SLC26A8: variants seen among roughly 807,000 people sequenced by gnomAD.
The protein encoded by SLC26A8 is solute carrier family 26 member 8.
In SLC26A8, 70 loss-of-function variants were observed where a neutral mutation model predicts 105.0. That is an observed-to-expected ratio of 0.67 (90% CI 0.55 to 0.81). The LOEUF (loss-of-function observed/expected upper bound fraction) is 0.81. Among genes scored for constraint, SLC26A8 ranks in the 40% least tolerant of loss-of-function variants. SLC26A8 has a pLI of 0.00. For missense variants in SLC26A8, 998 were observed against 1,181.8 expected (o/e 0.84, Z 2.28); for synonymous variants, 415 against 438.3 (o/e 0.95, Z 0.66).
At chr6:35,963,798 C>A (rs1054577790) in intron 11 of SLC26A8, among the ~76,000 whole-genome samples, 2 of 152,224 alleles carry the variant, frequency 1.3e-5, no homozygotes, top group African/African-American at 4.8e-5. Flanking sequence ...AGAGAACTTA[C>A]ACTCACAGAA....
intron 2 of SLC26A8, among the ~76,000 whole-genome samples, chr6:36,018,141 C>T (rs1396577894): frequency 1.3e-5 from 2 of 152,172 alleles, no homozygotes; most frequent in Non-Finnish European, 2.9e-5. Flanking sequence ...GTTAAATTTA[C>T]CACAGATTTA....
intron 9 of SLC26A8, among the ~76,000 whole-genome samples, 161 bp from the exon 10 acceptor site, chr6:35,975,649 C>T (rs576571095): frequency 1.7e-4 from 26 of 151,772 alleles, no homozygotes; most frequent in East Asian, 1.9e-4. Context: ...TGAGGTGGCT[C>T]ACACCTATAA....
At chr6:36,023,321 G>A (rs1465633835) in intron 1 of SLC26A8, among the ~76,000 whole-genome samples, 1 of 152,058 alleles carries the variant, frequency 6.6e-6, no homozygotes, top group Non-Finnish European at 1.5e-5. Flanking sequence ...GGCCAAGGCG[G>A]TTGGATCAGC....
rs780298822 is a variant in SLC26A8 at position 35,962,663 on chromosome 6, G to A, written c.1366-42C>T. 1.9e-6 allele frequency: 3 copies of A among 1,589,684 alleles called. No homozygotes were observed. The South Asian group carries it at 3.3e-5, about 18-fold the overall frequency. ...AATCATGGTTCATTTTCCCTTTGGG[G>A]TGTAAAACTCACAAATCCCCACCAA... is the stretch of plus-strand genomic sequence containing the variant. On this transcript the variant is annotated intron_variant, in intron 11 of 19. Coordinates refer to ENST00000490799, the MANE Select transcript of SLC26A8 (RefSeq NM_052961.4).
intron 1 of SLC26A8, among the ~76,000 whole-genome samples, chr6:36,022,607 T>A (rs922570928): frequency 6.6e-6 from 1 of 152,102 alleles, no homozygotes; most frequent in African/African-American, 2.4e-5. Context: ...TAGGAGATGT[T>A]ATCAAGTCAT....
In SLC26A8 at chr6:35,991,684, A is replaced by C; in HGVS notation, c.917T>G (p.Ile306Ser). ...CIRISFNQYP[I>S]EFPMELFLII... ...CAGAAATAATTCCATGGGAAACTCAATGGGATACTGATTGAAAGAAATTCT... is the reference window on the plus strand; with the variant it reads ...CAGAAATAATTCCATGGGAAACTCACTGGGATACTGATTGAAAGAAATTCT... The change falls in exon 7 of 20, where the codon ATT (isoleucine) becomes AGT (serine). Residue 306 changes from isoleucine to serine, a missense_variant. Coordinates refer to ENST00000490799, the MANE Select transcript of SLC26A8 (RefSeq NM_052961.4). The C allele has an allele frequency of 2.5e-6, 4 of 1,598,700 alleles. No individual in the cohort carries two copies. Among genetic ancestry groups the C allele is most frequent in the Non-Finnish European group, 3.4e-6 (4 of 1,174,302 alleles).
At position 35,959,786 on chromosome 6, in the gene SLC26A8, C is replaced by T. The variant is rs1158546143; in HGVS notation, c.1659G>A (p.Val553=). ...TTGAGCTGCAGCACTGGAAGATTTT[C>T]ACCCCAGGAATGGTGATGATCTGCA... The part of the protein sequence containing the change: ...DYREIITIPG[V]KIFQCCSSIT... The change falls in exon 15 of 20, where the codon GTG becomes GTA. Residue 553 remains valine, a synonymous_variant. Coordinates refer to ENST00000490799, the MANE Select transcript of SLC26A8 (RefSeq NM_052961.4). The T allele has an allele frequency of 6.2e-7, 1 of 1,608,252 alleles. No homozygotes were observed. The highest frequency in any genetic ancestry group is 8.5e-7 in the Non-Finnish European group (1 of 1,178,724).
chr6:35,969,039 G>T, intron 10 of SLC26A8, 85 bp from the exon 11 acceptor site: 3 of 1,203,108 alleles, frequency 2.5e-6, no homozygotes, highest in Non-Finnish European at 3.6e-6. Context: ...TTGGTGAGAA[G>T]CATGTCAATT....
intron 8 of SLC26A8, among the ~76,000 whole-genome samples, chr6:35,977,680 T>C (rs1393608130): frequency 2.0e-5 from 3 of 152,214 alleles, no homozygotes; most frequent in Non-Finnish European, 4.4e-5. Flanking sequence ...AGGTGAACAA[T>C]AGGTGGATAT....
At chr6:35,992,374 G>A in intron 6 of SLC26A8, 136 bp downstream of exon 6, 1 of 764,520 alleles carries the variant, frequency 1.3e-6, no homozygotes, top group Admixed American at 3.4e-5. Flanking sequence ...AATATTTCTA[G>A]TACCCTCTTG....
At chr6:35,976,185 G>T (rs1773014525) in intron 9 of SLC26A8, among the ~76,000 whole-genome samples, 1 of 151,996 alleles carries the variant, frequency 6.6e-6, no homozygotes, top group African/African-American at 2.4e-5. Flanking sequence ...CAGCACTTTG[G>T]GAGGCTGAGG....
chr6:36,023,162 T>TATCCATCCATCCAACC (rs1762167651), intron 1 of SLC26A8, among the ~76,000 whole-genome samples: 2 of 142,976 alleles, frequency 1.4e-5, no homozygotes, highest in Non-Finnish European at 3.1e-5. Flanking sequence ...ATAGTACCCT[T>TATCCATCCATCCAACC]ATCCATCCAT....
chr6:36,008,814 AAT>A (rs1430759138), intron 3 of SLC26A8, among the ~76,000 whole-genome samples: 5 of 152,228 alleles, frequency 3.3e-5, no homozygotes, highest in African/African-American at 1.2e-4. Flanking sequence ...CTAAAACCAT[AAT>A]GAGATATCAC....
chr6:35,991,835 T>G (rs751849883), intron 6 of SLC26A8, 27 bp from the exon 7 acceptor site: 2 of 1,553,496 alleles, frequency 1.3e-6, no homozygotes, highest in Admixed American at 4.1e-5. Flanking sequence ...TTACGGAGGC[T>G]TAGAAAGGGA....
chr6:36,019,994 T>C (rs1252223603), intron 1 of SLC26A8, among the ~76,000 whole-genome samples: 1 of 152,216 alleles, frequency 6.6e-6, no homozygotes, highest in Non-Finnish European at 1.5e-5. Flanking sequence ...GTTTTCTTTA[T>C]ATTCAGTTGT....
In SLC26A8 at chr6:35,981,250, T is replaced by C. The variant is rs920065983; in HGVS notation, c.1025+871A>G. Among the ~76,000 whole-genome samples, 1 of 152,144 alleles carries C rather than the reference T, an allele frequency of 6.6e-6. No individual in the cohort carries two copies. Among genetic ancestry groups the C allele is most frequent in the Non-Finnish European group, 1.5e-5 (1 of 68,014 alleles). On this transcript the variant is annotated intron_variant, in intron 8 of 19. Coordinates refer to ENST00000490799, the MANE Select transcript of SLC26A8 (RefSeq NM_052961.4). The surrounding 1 kb of genome is among the most constrained non-coding windows in gnomAD (Gnocchi z 4.0). ...CATGCCTCATAGTCACTGGTAGGAA[T>C]TATAATGTAAATTGATTGTGAGTCC... is the stretch of plus-strand genomic sequence containing the variant.
Position 36,019,693 on chromosome 6 carries a change from C to T in SLC26A8, c.15G>A (p.Glu5=). Reference sequence around the variant, plus strand: ...AGCTGAAGCCAGAGATGGCGCTCCTCTCTAGTTGTGCCATTCCTGGATGAG... The same window carrying T: ...AGCTGAAGCCAGAGATGGCGCTCCTTTCTAGTTGTGCCATTCCTGGATGAG... The part of the protein sequence containing the change: MAQL[E]RSAISGFSSK... Residue 5 remains glutamate (E), a synonymous_variant, in exon 2 of 20, where the codon GAG becomes GAA. Coordinates refer to ENST00000490799, the MANE Select transcript of SLC26A8 (RefSeq NM_052961.4). 1.2e-6 allele frequency: 2 copies of T among 1,613,246 alleles called. No homozygotes were observed. Among genetic ancestry groups the T allele is most frequent in the East Asian group, 2.2e-5 (1 of 44,836 alleles).
chr6:35,953,282 C>T (rs1771943020), intron 17 of SLC26A8, among the ~76,000 whole-genome samples: 1 of 152,054 alleles, frequency 6.6e-6, no homozygotes, highest in Non-Finnish European at 1.5e-5. Flanking sequence ...TGCCAAGGAC[C>T]AGAACATATG....
intron 1 of SLC26A8, among the ~76,000 whole-genome samples, chr6:36,022,046 C>A (rs1762139831): frequency 6.6e-6 from 1 of 152,184 alleles, no homozygotes; most frequent in Admixed American, 6.5e-5. Flanking sequence ...TAGCTCACTG[C>A]AACCTCCACC....
Sources: allele counts gnomAD v4.1 joint callset (sites outside exome capture counted in the v4.1 genomes callset), GRCh38; gene constraint gnomAD v4.1.1; non-coding constraint Gnocchi (gnomAD v3.1); transcripts MANE v1.5; gene names NCBI Gene and HGNC (gene_info 2026-07-23, HGNC 2026-07-21).